FAM76A: variants seen among roughly 807,000 people sequenced by gnomAD.
FAM76A encodes family with sequence similarity 76 member A.
FAM76A carries 32 observed loss-of-function variants against 46.2 expected under a neutral mutation model. The ratio of observed to expected loss-of-function variants is 0.69; its 90% confidence interval spans 0.52 to 0.93. FAM76A has a LOEUF of 0.93. Among genes scored for constraint, FAM76A ranks in the 40% least tolerant of loss-of-function variants. The probability of loss-of-function intolerance (pLI) is 0.00; values close to 1 mark genes in which losing one functional copy is unlikely to be tolerated. For missense variants in FAM76A, 274 were observed against 361.5 expected, an observed-to-expected ratio of 0.76 and a Z score of 1.96; for synonymous variants, 137 against 127.0, an observed-to-expected ratio of 1.08 and a Z score of -0.53.
At chr1:27,758,250 A>G (rs1018117664) in intron 7 of FAM76A, among the ~76,000 whole-genome samples, 1 of 152,200 alleles carries the variant, frequency 6.6e-6, no homozygotes, top group Non-Finnish European at 1.5e-5. Flanking sequence ...TAAATGGCGG[A>G]ACAAGGGACT....
intron 4 of FAM76A, among the ~76,000 whole-genome samples, chr1:27,744,030 C>T (rs1012988032): frequency 2.0e-5 from 3 of 151,978 alleles, no homozygotes; most frequent in Non-Finnish European, 2.9e-5. Context: ...TAATGAGAAC[C>T]GTGGTCTTGT....
rs1299140232 is a variant in FAM76A, at chr1:27,740,345, A to G, written c.355-4309A>G. The G allele has an allele frequency of 2.2e-5, 23 of 1,029,270 alleles. 1 individual carries two copies. The highest frequency in any genetic ancestry group is 2.2e-4 in the Admixed American group (13 of 58,210). The allele number at this position is 1,029,270 out of a possible 1,614,324, so 63.8% of individuals were successfully genotyped here. A position where few individuals can be genotyped will look rare whatever the true frequency, so the allele number is the denominator to read the frequency against. ...AGTATTTGGCACCATGGACTAATCAAATAGATACGGCCTTGGTTATCACAG... is the reference window on the plus strand; with the variant it reads ...AGTATTTGGCACCATGGACTAATCAGATAGATACGGCCTTGGTTATCACAG... On this transcript the variant is annotated intron_variant, in intron 4 of 8. Transcript: ENST00000373954.
Position 27,760,707 on chromosome 1 carries a change from C to A in FAM76A, c.*126C>A. 1.7e-6 allele frequency: 1 copy of A among 604,640 alleles called. No homozygotes were observed. The highest frequency in any genetic ancestry group is 2.0e-5 in the South Asian group (1 of 50,014). 37.5% of individuals were successfully genotyped at this position (604,640 alleles called of 1,614,324 possible). ...TCTCTATTTTATTACAGTTATCCTT[C>A]TTTGTGCGATTGCAGTGGGCTGAAT... On this transcript the variant is annotated 3_prime_UTR_variant, in exon 9 of 9. Coordinates refer to ENST00000373954, the MANE Select transcript of FAM76A (RefSeq NM_152660.3).
intron 6 of FAM76A, 101 bp from the exon 7 acceptor site, chr1:27,755,094 C>A (rs2088387867): frequency 7.6e-7 from 1 of 1,317,994 alleles, no homozygotes; most frequent in Non-Finnish European, 1.1e-6. Flanking sequence ...AGGATTCCTG[C>A]CCTTTAGGAG....
In FAM76A at chr1:27,759,615, A is replaced by G. The variant is rs570314153; in HGVS notation, c.825A>G (p.Thr275=). 1 of 1,612,558 alleles carries G rather than the reference A, an allele frequency of 6.2e-7. No homozygotes were observed. Among genetic ancestry groups the G allele is most frequent in the Admixed American group, 1.7e-5 (1 of 59,926 alleles). The change falls in exon 8 of 9, where the codon ACA becomes ACG. Residue 275 remains threonine, a synonymous_variant. Coordinates refer to ENST00000373954, the MANE Select transcript of FAM76A (RefSeq NM_152660.3). ...NQMEKTHKEV[T]EQLQAKNREL... Reference sequence around the variant, plus strand: ...TGGAGAAAACCCACAAAGAAGTCACAGAACAACTGCAGGTGACTGACTCTG... The same window carrying G: ...TGGAGAAAACCCACAAAGAAGTCACGGAACAACTGCAGGTGACTGACTCTG...
intron 6 of FAM76A, among the ~76,000 whole-genome samples, chr1:27,750,067 C>T (rs765956686): frequency 6.6e-6 from 1 of 152,114 alleles, no homozygotes; most frequent in African/African-American, 2.4e-5. Flanking sequence ...CAGGCCTGGG[C>T]ATCCTGAAGT....
At chr1:27,734,221 C>T (rs2148568436) in intron 4 of FAM76A, 38 bp downstream of exon 4, 1 of 1,559,306 alleles carries the variant, frequency 6.4e-7, no homozygotes, top group Non-Finnish European at 8.6e-7. Flanking sequence ...TTTTTCCTTT[C>T]AGAGAAATTA....
intron 4 of FAM76A, among the ~76,000 whole-genome samples, chr1:27,737,290 G>A (rs2088065447): frequency 1.3e-5 from 2 of 152,048 alleles, no homozygotes; most frequent in East Asian, 1.9e-4. Flanking sequence ...AGACAGATCT[G>A]AAAAAAATGT....
At chr1:27,740,266 T>TTTGGGAGAATGGGATGAAGG (rs1441215882) in intron 4 of FAM76A, 12 of 732,414 alleles carry the variant, frequency 1.6e-5, no homozygotes, top group Non-Finnish European at 2.8e-5. Flanking sequence ...ATTGAAGACA[T>TTTGGGAGAATGGGATGAAGG]TTGGGAGAAT....
chr1:27,743,928 T>G (rs879287746), intron 4 of FAM76A, among the ~76,000 whole-genome samples: 6 of 151,156 alleles, frequency 4.0e-5, no homozygotes, highest in Non-Finnish European at 7.4e-5. Context: ...GTGAGTGAGA[T>G]CCTATCACTA....
intron 4 of FAM76A, among the ~76,000 whole-genome samples, chr1:27,737,847 A>G (rs1474836905): frequency 5.9e-5 from 8 of 136,082 alleles, no homozygotes; most frequent in Non-Finnish European, 4.6e-5. Flanking sequence ...GTGAGACTCC[A>G]TCTCAAAACA....
At position 27,760,619 on chromosome 1, in the gene FAM76A, G is replaced by A; in HGVS notation, c.*38G>A. ...AGGCTCCCTAGCAACAGCAAATGGA[G>A]TTGTCCAGGGTTAGGGTTGGAGACC... On this transcript the variant is annotated 3_prime_UTR_variant, in exon 9 of 9. Transcript: ENST00000373954. 5 of 1,497,984 alleles carry A rather than the reference G, an allele frequency of 3.3e-6. No individual in the cohort carries two copies. The highest frequency in any genetic ancestry group is 4.6e-6 in the Non-Finnish European group (5 of 1,090,416). The allele number at this position is 1,497,984 out of a possible 1,614,324, so 92.8% of individuals were successfully genotyped here. A position where few individuals can be genotyped will look rare whatever the true frequency, so the allele number is the denominator to read the frequency against.
intron 6 of FAM76A, among the ~76,000 whole-genome samples, chr1:27,754,465 G>T (rs867999397): frequency 6.6e-6 from 1 of 152,184 alleles, no homozygotes; most frequent in Non-Finnish European, 1.5e-5. Context: ...CTGGCACTTT[G>T]ACAAAATAGA....
chr1:27,732,208 T>G (rs1332687431), intron 2 of FAM76A, among the ~76,000 whole-genome samples: 1 of 152,172 alleles, frequency 6.6e-6, no homozygotes. Context: ...GGCAGATGGA[T>G]CGCTTGAGGT....
In FAM76A at chr1:27,741,193, A is replaced by ATTTT. The variant is rs767134759; in HGVS notation, c.355-3442_355-3439dup. Among the ~76,000 whole-genome samples the ATTTT allele has an allele frequency of 3.9e-4, 46 of 116,488 alleles. 1 individual carries two copies. Among genetic ancestry groups the ATTTT allele is most frequent in the African/African-American group, 1.5e-3 (39 of 26,810 alleles). 76.4% of individuals were successfully genotyped at this position (116,488 alleles called of 152,430 possible). ...TACCCAGTTTTTATTGGGAGATTTGATTTTTTTTTTTTTTTTTTTTTTGAG... is the reference window on the plus strand; with the variant it reads ...TACCCAGTTTTTATTGGGAGATTTGATTTTTTTTTTTTTTTTTTTTTTTTTTGAG... On this transcript the variant is annotated intron_variant, in intron 4 of 8. Coordinates refer to ENST00000373954, the MANE Select transcript of FAM76A (RefSeq NM_152660.3).
chr1:27,750,130 ACTC>A (rs2088308395), intron 6 of FAM76A, among the ~76,000 whole-genome samples: 2 of 151,370 alleles, frequency 1.3e-5, no homozygotes, highest in South Asian at 4.2e-4. Context: ...CATCCTGAAA[ACTC>A]CTCCCATTCA....
chr1:27,731,606 A>G (rs999715803), intron 2 of FAM76A, among the ~76,000 whole-genome samples: 1 of 152,180 alleles, frequency 6.6e-6, no homozygotes, highest in Non-Finnish European at 1.5e-5. Context: ...AGGTTAGCAA[A>G]GATAGAATCT....
chr1:27,753,681 G>C (rs559350151), intron 6 of FAM76A, among the ~76,000 whole-genome samples: 1 of 152,312 alleles, frequency 6.6e-6, no homozygotes, highest in African/African-American at 2.4e-5. Flanking sequence ...CCTAGCCATA[G>C]AAATGTTTGA....
At chr1:27,730,489 A>C (rs944313306) in intron 2 of FAM76A, among the ~76,000 whole-genome samples, 2 of 152,088 alleles carry the variant, frequency 1.3e-5, no homozygotes, top group Non-Finnish European at 2.9e-5. Flanking sequence ...CCCAGCCTAG[A>C]GTTAGTTTTT....
Sources: gnomAD v4.1 joint callset for allele counts (sites outside exome capture counted in the v4.1 genomes callset) on GRCh38, gnomAD v4.1.1 for gene constraint, MANE v1.5 for transcripts, NCBI Gene and HGNC (gene_info 2026-07-23, HGNC 2026-07-21) for gene names.